EFCAB6: variants seen among roughly 807,000 people sequenced by gnomAD.
EFCAB6 encodes EF-hand calcium-binding domain-containing protein 6.
In EFCAB6, 156 loss-of-function variants were observed where a neutral mutation model predicts 169.8. The ratio of observed to expected loss-of-function variants is 0.92; its 90% CI spans 0.81 to 1.05. EFCAB6 has a LOEUF of 1.05. EFCAB6 is among the 50% of genes least tolerant of loss of function. EFCAB6 has a pLI of 0.00. For missense variants in EFCAB6, 1,800 were observed against 1,829.1 expected, an observed-to-expected ratio of 0.98 and a Z score of 0.29; for synonymous variants, 698 against 676.4, an observed-to-expected ratio of 1.03 and a Z score of -0.50.
At chr22:43,579,790 GCATCATTCCACACA>G in intron 25 of EFCAB6, among the ~76,000 whole-genome samples, 1 of 151,410 alleles carries the variant, frequency 6.6e-6, no homozygotes, top group Non-Finnish European at 1.5e-5. Flanking sequence ...CTACAGGCAA[GCATCATTCCACACA>G]CGCAGGCATC....
At chr22:43,784,664 C>CATATATATGTGT (rs1256765173) in intron 2 of EFCAB6, among the ~76,000 whole-genome samples, 1 of 69,132 alleles carries the variant, frequency 1.4e-5, no homozygotes, top group African/African-American at 5.3e-5. Context: ...TGTATATATA[C>CATATATATGTGT]ATATACATAT....
At chr22:43,704,549 A>G (rs907926427) in intron 10 of EFCAB6, among the ~76,000 whole-genome samples, 1 of 152,210 alleles carries the variant, frequency 6.6e-6, no homozygotes, top group Non-Finnish European at 1.5e-5. Context: ...AGACAGAACT[A>G]TTAATAACAA....
chr22:43,711,333 T>G, intron 10 of EFCAB6, 142 bp downstream of exon 10: 2 of 859,096 alleles, frequency 2.3e-6, no homozygotes, highest in South Asian at 2.6e-5. Flanking sequence ...ATTTACTATA[T>G]TATTCCCTTT....
Position 43,547,927 on chromosome 22 carries a change from T to C in EFCAB6, c.3648+6942A>G, listed in dbSNP as rs191534378. ...TAACATGGTGAAACCCCGTCTCTAG[T>C]AAAAATACAAAAAACAAAATTAGCT... On this transcript the variant is annotated intron_variant, in intron 27 of 31. Coordinates refer to ENST00000262726, the MANE Select transcript of EFCAB6 (RefSeq NM_022785.4). Among the ~76,000 whole-genome samples, 5 of 151,312 alleles carry C rather than the reference T, an allele frequency of 3.3e-5. No homozygotes were observed. The East Asian group carries it at 7.8e-4, about 24-fold the overall frequency.
At chr22:43,606,952 C>G (rs948536795) in intron 22 of EFCAB6, among the ~76,000 whole-genome samples, 1 of 152,264 alleles carries the variant, frequency 6.6e-6, no homozygotes, top group South Asian at 2.1e-4. Context: ...GGCCAGCCCC[C>G]ACTCAGGGGT....
At chr22:43,656,093 C>T (rs1243652802) in intron 17 of EFCAB6, among the ~76,000 whole-genome samples, 1 of 152,118 alleles carries the variant, frequency 6.6e-6, no homozygotes, top group African/African-American at 2.4e-5. Context: ...AGTGAGCCCA[C>T]AAAAATGTGG....
chr22:43,621,046 T>A (rs990326033), intron 20 of EFCAB6, among the ~76,000 whole-genome samples: 2 of 151,872 alleles, frequency 1.3e-5, no homozygotes, highest in African/African-American at 4.8e-5. Flanking sequence ...CACAACAGAA[T>A]TAAACTAGAA....
chr22:43,731,464 T>G (rs141765797), intron 8 of EFCAB6, among the ~76,000 whole-genome samples: 57 of 152,328 alleles, frequency 3.7e-4, no homozygotes, highest in African/African-American at 1.3e-3. Flanking sequence ...TAACTCTTCA[T>G]GGATATCCTT....
At chr22:43,595,750 A>T (rs1170422780) in intron 23 of EFCAB6, among the ~76,000 whole-genome samples, 1 of 152,178 alleles carries the variant, frequency 6.6e-6, no homozygotes, top group East Asian at 1.9e-4. Context: ...TTATTCTATA[A>T]GGCCAGTAAT....
At chr22:43,675,118 A>C (rs2057667655) in intron 13 of EFCAB6, among the ~76,000 whole-genome samples, 1 of 150,686 alleles carries the variant, frequency 6.6e-6, no homozygotes, top group African/African-American at 2.4e-5. Flanking sequence ...AGGCCTTAAG[A>C]ATGCATAAAG....
At chr22:43,775,102 T>A (rs1329219973) in intron 3 of EFCAB6, among the ~76,000 whole-genome samples, 1 of 151,368 alleles carries the variant, frequency 6.6e-6, no homozygotes, top group Non-Finnish European at 1.5e-5. Flanking sequence ...AAAAGAAAGG[T>A]CAAGCGGGGA....
At chr22:43,705,288 C>T (rs938489167) in intron 10 of EFCAB6, among the ~76,000 whole-genome samples, 11 of 152,052 alleles carry the variant, frequency 7.2e-5, no homozygotes, top group African/African-American at 1.9e-4. Context: ...TAGGGGATTT[C>T]AATACCCCAC....
At chr22:43,742,792 G>A (rs938572995) in intron 6 of EFCAB6, among the ~76,000 whole-genome samples, 11 of 152,298 alleles carry the variant, frequency 7.2e-5, no homozygotes, top group African/African-American at 2.6e-4. Context: ...ACTGCACCCC[G>A]GCCACCACCG....
chr22:43,713,928 A>G (rs371668776), intron 9 of EFCAB6, among the ~76,000 whole-genome samples: 4 of 152,216 alleles, frequency 2.6e-5, no homozygotes, highest in African/African-American at 9.6e-5. Context: ...AGGCAAAGAC[A>G]AAGAACCCGG....
rs184595739 is a variant in EFCAB6, at chr22:43,557,009, C to T, written c.3421-1913G>A. Among the ~76,000 whole-genome samples the T allele has an allele frequency of 5.2e-3, 792 of 152,302 alleles. 4 individuals are homozygous for T. The highest frequency in any genetic ancestry group is 0.041 in the Middle Eastern group (12 of 294). ...AGAGGAGCCTCTCCTGGACATAGAG[C>T]CATACCTCTCAGTCCATCCTTACGG... is the stretch of plus-strand genomic sequence containing the variant. On this transcript the variant is annotated intron_variant, in intron 26 of 31. Transcript: ENST00000262726.
At chr22:43,545,867 ACTCAGTC>A (rs1286630622) in intron 27 of EFCAB6, among the ~76,000 whole-genome samples, 2 of 152,134 alleles carry the variant, frequency 1.3e-5, no homozygotes, top group African/African-American at 4.8e-5. Flanking sequence ...AGACAATCAT[ACTCAGTC>A]CAGGCCCCTC....
At position 43,589,320 on chromosome 22, in the gene EFCAB6, A is replaced by AAAAAAAAAAG. The variant is rs1569207678; in HGVS notation, c.3032+753_3032+754insCTTTTTTTTT. ...AAAAAAAAAAAAAAAAAAAAAAAAAAAGAAGTACAGGTACATTCACTATCA... is the reference window on the plus strand; with the variant it reads ...AAAAAAAAAAAAAAAAAAAAAAAAAAAAAAAAAAAGAGAAGTACAGGTACATTCACTATCA... On this transcript the variant is annotated intron_variant, in intron 24 of 31. Coordinates refer to ENST00000262726, the MANE Select transcript of EFCAB6 (RefSeq NM_022785.4). Among the ~76,000 whole-genome samples, 77 of 59,834 alleles carry AAAAAAAAAAG rather than the reference A, an allele frequency of 1.3e-3. 5 individuals carry two copies. Among genetic ancestry groups the AAAAAAAAAAG allele is most frequent in the East Asian group, 3.4e-3 (3 of 872 alleles). The allele number at this position is 59,834 out of a possible 152,430, so 39.3% of individuals were successfully genotyped here.
chr22:43,707,668 G>C (rs1363090516), intron 10 of EFCAB6, among the ~76,000 whole-genome samples: 2 of 152,112 alleles, frequency 1.3e-5, no homozygotes, highest in East Asian at 3.9e-4. Context: ...TTTCATTAAA[G>C]AGTAGGGCAA....
chr22:43,755,883 T>C lies in EFCAB6; in HGVS notation c.441-51A>G, dbSNP rs932690881. 6 of 1,479,962 alleles carry C rather than the reference T, an allele frequency of 4.1e-6. No individual in the cohort carries two copies. The African/African-American group carries it at 8.6e-5, about 21-fold the overall frequency. The allele number at this position is 1,479,962 out of a possible 1,614,324, so 91.7% of individuals were successfully genotyped here. On this transcript the variant is annotated intron_variant, in intron 5 of 31. Transcript: ENST00000262726. The stretch of plus-strand genomic sequence containing the variant: ...TTAAAACATTTTAACCAAATAAATG[T>C]TTACATAGGATATGCAGAGATCAAA...
Sources: allele counts gnomAD v4.1 joint callset (sites outside exome capture counted in the v4.1 genomes callset), GRCh38; gene constraint gnomAD v4.1.1; transcripts MANE v1.5; gene names NCBI Gene and HGNC (gene_info 2026-07-23, HGNC 2026-07-21).